ANKRD17: variants seen among roughly 807,000 people sequenced by gnomAD.
The protein encoded by ANKRD17 is ankyrin repeat domain 17, also known as ankyrin repeat domain-containing protein 17.
Under a neutral mutation model 229.7 loss-of-function variants are expected in ANKRD17, and 19 were observed. The ratio of observed to expected loss-of-function variants is 0.08; its 90% CI spans 0.06 to 0.12. ANKRD17 has a LOEUF of 0.12. Among genes scored for constraint, ANKRD17 ranks in the 10% least tolerant of loss-of-function variants. The probability of loss-of-function intolerance (pLI) is 1.00; values close to 1 mark genes in which losing one functional copy is unlikely to be tolerated. For synonymous variants in ANKRD17, 1,112 were observed against 1,146.1 expected (o/e 0.97, Z 0.60); for missense variants, 2,176 against 3,176.8 (o/e 0.68, Z 7.57).
At chr4:73,131,864 G>C (rs1728250230) in intron 16 of ANKRD17, among the ~76,000 whole-genome samples, 1 of 152,190 alleles carries the variant, frequency 6.6e-6, no homozygotes, top group Admixed American at 6.5e-5. Flanking sequence ...TACATAAACA[G>C]ATGAAAGATC....
chr4:73,125,745 A>AAAAAAAAAG (rs556235831), intron 16 of ANKRD17, among the ~76,000 whole-genome samples: 5 of 144,412 alleles, frequency 3.5e-5, no homozygotes, highest in African/African-American at 7.6e-5. Context: ...AAAAAAAAAA[A>AAAAAAAAAG]AAAAGAAAAG....
At chr4:73,186,438 C>G (rs1323401993) in intron 1 of ANKRD17, among the ~76,000 whole-genome samples, 2 of 152,068 alleles carry the variant, frequency 1.3e-5, no homozygotes, top group Non-Finnish European at 2.9e-5. Context: ...AAGTGAACCT[C>G]ATTAAAGATA....
At chr4:73,099,797 C>A (rs866960808) in intron 25 of ANKRD17, among the ~76,000 whole-genome samples, 1 of 152,150 alleles carries the variant, frequency 6.6e-6, no homozygotes, top group Non-Finnish European at 1.5e-5. Flanking sequence ...GGGGTGTGAG[C>A]CTCTTACTTC....
chr4:73,082,926 TA>T (rs1721722431), intron 30 of ANKRD17, among the ~76,000 whole-genome samples: 1 of 152,228 alleles, frequency 6.6e-6, no homozygotes, highest in Non-Finnish European at 1.5e-5. Flanking sequence ...TTGCTGAATT[TA>T]AACACTGCAT....
chr4:73,106,446 T>C lies in ANKRD17; in HGVS notation c.4402-3899A>G, dbSNP rs1033868004. Among the ~76,000 whole-genome samples, 12 of 152,016 alleles carry C rather than the reference T, an allele frequency of 7.9e-5. No homozygotes were observed. In the South Asian group the frequency reaches 2.5e-3, roughly 32 times the overall value. On this transcript the variant is annotated intron_variant, in intron 24 of 33. Coordinates refer to ENST00000358602, the MANE Select transcript of ANKRD17 (RefSeq NM_032217.5). Reference sequence around the variant, plus strand: ...TAGATATATGAAAGTGAATGGGATATGTGAGAAGTAGCAAACCATAGTGAA... The same window carrying C: ...TAGATATATGAAAGTGAATGGGATACGTGAGAAGTAGCAAACCATAGTGAA...
intron 14 of ANKRD17, 40 bp from the exon 15 acceptor site, chr4:73,140,323 G>A: frequency 6.5e-7 from 1 of 1,531,950 alleles, no homozygotes; most frequent in Non-Finnish European, 8.7e-7. Context: ...GCACATGAAT[G>A]GCATCCTCAT....
rs538861268 is a variant in ANKRD17, at chr4:73,099,831, G to A, written c.4574-1311C>T. Among the ~76,000 whole-genome samples, 11 of 152,230 alleles carry A rather than the reference G, an allele frequency of 7.2e-5. No individual in the cohort carries two copies. The South Asian group carries it at 1.5e-3, about 20-fold the overall frequency. The stretch of plus-strand genomic sequence containing the variant: ...TCCTCTTCACTGTGGCCCCAGCCCC[G>A]TTGCCCTCCACCTGGGATCTGAGTA... On this transcript the variant is annotated intron_variant, in intron 25 of 33. Coordinates refer to ENST00000358602, the MANE Select transcript of ANKRD17 (RefSeq NM_032217.5).
At chr4:73,159,587 T>C (rs1348348950) in intron 3 of ANKRD17, among the ~76,000 whole-genome samples, 2 of 152,216 alleles carry the variant, frequency 1.3e-5, no homozygotes, top group East Asian at 1.9e-4. Flanking sequence ...AAATATGTTC[T>C]ATTTTTTTTG....
At chr4:73,256,981 G>C (rs1045770125) in intron 1 of ANKRD17, among the ~76,000 whole-genome samples, 14 of 152,178 alleles carry the variant, frequency 9.2e-5, no homozygotes, top group Admixed American at 2.0e-4. Context: ...CCTTTAAAAG[G>C]TACTTCTCTA....
rs1730370365 is a variant in ANKRD17, at chr4:73,147,020, T to C, written c.1760-147A>G. On this transcript the variant is annotated intron_variant, in intron 9 of 33. Coordinates refer to ENST00000358602, the MANE Select transcript of ANKRD17 (RefSeq NM_032217.5). ...TCATTTCCAGAAACAGAGAATATTG[T>C]AGGCATTAAAAAAATTACAAACAAA... The C allele has an allele frequency of 2.1e-5, 17 of 798,202 alleles. No homozygotes were observed. The South Asian group carries it at 3.7e-4, about 18-fold the overall frequency. The allele number at this position is 798,202 out of a possible 1,614,324, so 49.4% of individuals were successfully genotyped here. A position where few individuals can be genotyped will look rare whatever the true frequency, so the allele number is the denominator to read the frequency against.
chr4:73,151,622 C>G, intron 6 of ANKRD17, 98 bp from the exon 7 acceptor site: 1 of 907,796 alleles, frequency 1.1e-6, no homozygotes, highest in Non-Finnish European at 1.6e-6. Context: ...TAACTTACAG[C>G]ATTAAATTTA....
chr4:73,184,437 G>A (rs889674186), intron 1 of ANKRD17, among the ~76,000 whole-genome samples: 14 of 147,010 alleles, frequency 9.5e-5, no homozygotes, highest in African/African-American at 3.5e-4. Flanking sequence ...GCTGAGACAG[G>A]AGAATCACTT....
chr4:73,093,012 A>G (rs536489496), intron 28 of ANKRD17, among the ~76,000 whole-genome samples: 1 of 152,288 alleles, frequency 6.6e-6, no homozygotes, highest in East Asian at 1.9e-4. Context: ...CCTCTTTTCT[A>G]GATAAGATAG....
At chr4:73,250,589 C>CAAAAAAAAAAAAAAAAAAAAAAAAAAAA in intron 1 of ANKRD17, among the ~76,000 whole-genome samples, 1 of 29,388 alleles carries the variant, frequency 3.4e-5, no homozygotes, top group African/African-American at 1.7e-4. Flanking sequence ...GACCTTGTCT[C>CAAAAAAAAAAAAAAAAAAAAAAAAAAAA]AAAAAAAAAA....
At chr4:73,137,761 T>C (rs1015353657) in intron 15 of ANKRD17, among the ~76,000 whole-genome samples, 1 of 152,196 alleles carries the variant, frequency 6.6e-6, no homozygotes. Flanking sequence ...GACAAGCATC[T>C]GTCATATTTC....
intron 20 of ANKRD17, among the ~76,000 whole-genome samples, chr4:73,120,664 G>T (rs1726609377): frequency 6.6e-6 from 1 of 151,596 alleles, no homozygotes. Flanking sequence ...TTTTTCAGCT[G>T]ATAATCCTAC....
At chr4:73,189,580 C>A (rs1220373528) in intron 1 of ANKRD17, among the ~76,000 whole-genome samples, 1 of 151,968 alleles carries the variant, frequency 6.6e-6, no homozygotes, top group Admixed American at 6.6e-5. Context: ...GCCCCCTCAG[C>A]CACCCAAAGT....
intron 14 of ANKRD17, 41 bp downstream of exon 14, chr4:73,141,700 T>C: frequency 1.9e-6 from 3 of 1,559,530 alleles, no homozygotes; most frequent in Non-Finnish European, 2.6e-6. Flanking sequence ...TATTTTTACC[T>C]GGACACCAAG....
intron 1 of ANKRD17, chr4:73,222,906 T>C: frequency 7.9e-7 from 1 of 1,273,660 alleles, no homozygotes; most frequent in South Asian, 1.3e-5. Context: ...ATCTGTAAAA[T>C]AATTCCGGCA....
Sources: gnomAD v4.1 joint callset for allele counts (sites outside exome capture counted in the v4.1 genomes callset) on GRCh38, gnomAD v4.1.1 for gene constraint, MANE v1.5 for transcripts, NCBI Gene and HGNC (gene_info 2026-07-23, HGNC 2026-07-21) for gene names.